EML1: variants seen among roughly 807,000 people sequenced by gnomAD.
The protein encoded by EML1 is echinoderm microtubule-associated protein-like 1.
In EML1, 27 loss-of-function variants were observed where a neutral mutation model predicts 110.4. The ratio of observed to expected loss-of-function variants is 0.24; its 90% CI spans 0.18 to 0.34. EML1 has a LOEUF of 0.34. EML1 is among the 10% of genes least tolerant of loss of function. The pLI, the probability that EML1 is intolerant of heterozygous loss-of-function variation, is 1.00. For synonymous variants in EML1, 344 were observed against 385.8 expected (o/e 0.89, Z 1.27); for missense variants, 741 against 1,030.9 (o/e 0.72, Z 3.85).
chr14:99,769,637 C>T (rs555958261), upstream of EML1, among the ~76,000 whole-genome samples: 1 of 152,216 alleles, frequency 6.6e-6, no homozygotes, highest in South Asian at 2.1e-4. Context: ...TCTGCAGTAC[C>T]TGCCCCTACA....
intron 6 of EML1, 141 bp downstream of exon 6, chr14:99,894,899 A>G: frequency 1.8e-6 from 2 of 1,126,068 alleles, no homozygotes; most frequent in Non-Finnish European, 2.4e-6. Flanking sequence ...TGAAAACTTA[A>G]TGTAACAAAA....
At chr14:99,757,345 A>G (rs1018218519) in intron 1 of EML1, among the ~76,000 whole-genome samples, 2 of 152,160 alleles carry the variant, frequency 1.3e-5, no homozygotes, top group East Asian at 1.9e-4. Context: ...TTTCAAAAAA[A>G]AAAAAAAAAG....
At chr14:99,843,759 C>T (rs998730457) in intron 1 of EML1, among the ~76,000 whole-genome samples, 12 of 152,230 alleles carry the variant, frequency 7.9e-5, no homozygotes, top group African/African-American at 2.7e-4. Flanking sequence ...CTTAGTAGAA[C>T]TCTCCCTGCC....
chr14:99,929,605 G>A (rs771834472), intron 17 of EML1, among the ~76,000 whole-genome samples: 1 of 152,198 alleles, frequency 6.6e-6, no homozygotes, highest in Non-Finnish European at 1.5e-5. Flanking sequence ...GTGATCAGCA[G>A]TATGAGTTTT....
intron 1 of EML1, chr14:99,737,937 G>A: frequency 1.6e-6 from 2 of 1,260,096 alleles, no homozygotes; most frequent in Non-Finnish European, 2.1e-6. Context: ...GGGCACTGGG[G>A]CCCCCGCAGG....
At chr14:99,835,738 AG>A (rs1351450162) in intron 1 of EML1, among the ~76,000 whole-genome samples, 6 of 152,228 alleles carry the variant, frequency 3.9e-5, no homozygotes, top group African/African-American at 1.4e-4. Flanking sequence ...TTTTGTGTCT[AG>A]ATGCATTATT....
intron 1 of EML1, among the ~76,000 whole-genome samples, chr14:99,849,784 G>A (rs1056652155): frequency 4.6e-5 from 7 of 152,148 alleles, no homozygotes; most frequent in African/African-American, 1.7e-4. Context: ...CTGACCTTAG[G>A]TGATCCGTTT....
chr14:99,859,984 GC>G, intron 2 of EML1, among the ~76,000 whole-genome samples: 1 of 152,286 alleles, frequency 6.6e-6, no homozygotes, highest in Admixed American at 6.5e-5. Flanking sequence ...CCTCACAGCA[GC>G]CCTGCAAGGT....
At chr14:99,882,898 C>T (rs2059411511) in intron 4 of EML1, among the ~76,000 whole-genome samples, 1 of 152,064 alleles carries the variant, frequency 6.6e-6, no homozygotes, top group Admixed American at 6.5e-5. Flanking sequence ...GTTGTGCCCC[C>T]TCAACCCCGG....
At chr14:99,890,340 C>T (rs4905911) in intron 4 of EML1, among the ~76,000 whole-genome samples, 36,813 of 152,082 alleles carry the variant, frequency 0.24, 5,404 homozygotes, top group Non-Finnish European at 0.33. Context: ...CAAGGGGTCA[C>T]CCCCCTCCCT....
At chr14:99,759,648 G>A (rs1385886535) in intron 1 of EML1, among the ~76,000 whole-genome samples, 2 of 152,234 alleles carry the variant, frequency 1.3e-5, no homozygotes, top group Non-Finnish European at 2.9e-5. Flanking sequence ...AGAGGAAAGG[G>A]CTTGTCCTGG....
At chr14:99,738,310 C>A (rs1039224768) in intron 1 of EML1, among the ~76,000 whole-genome samples, 2 of 152,226 alleles carry the variant, frequency 1.3e-5, no homozygotes, top group African/African-American at 4.8e-5. Flanking sequence ...AGTCCCTGGT[C>A]CGGCAGCACC....
upstream of EML1, among the ~76,000 whole-genome samples, chr14:99,771,340 C>A (rs1193350710): frequency 6.6e-6 from 1 of 152,220 alleles, no homozygotes; most frequent in Non-Finnish European, 1.5e-5. Flanking sequence ...TGGTCTCTTG[C>A]ATGTGGCTTC....
chr14:99,870,073 A>G (rs1050593851), intron 3 of EML1, among the ~76,000 whole-genome samples: 3 of 152,226 alleles, frequency 2.0e-5, no homozygotes, highest in Admixed American at 2.0e-4. Context: ...TAGCCAAGTT[A>G]TAGATGCAAA....
At chr14:99,855,356 A>G (rs2058884663) in intron 2 of EML1, among the ~76,000 whole-genome samples, 1 of 152,212 alleles carries the variant, frequency 6.6e-6, no homozygotes, top group Non-Finnish European at 1.5e-5. Flanking sequence ...TGTTCTAAAA[A>G]ATCACTTCTT....
At chr14:99,824,620 A>C (rs1595344951) in intron 1 of EML1, among the ~76,000 whole-genome samples, 3 of 151,358 alleles carry the variant, frequency 2.0e-5, no homozygotes. Flanking sequence ...AAATCGCTTT[A>C]GGGGTACAGT....
Position 99,760,692 on chromosome 14 carries a change from C to A in EML1, c.28+22832C>A, listed in dbSNP as rs150941814. On this transcript the variant is annotated intron_variant, in intron 1 of 10. Coordinates refer to the EML1 transcript ENST00000554479. ...AAGGGCTTTGCAGACAGACTGGGAG[C>A]CTGCTCAACGCCCAAACACCAATAT... Among the ~76,000 whole-genome samples, 9 of 152,266 alleles carry A rather than the reference C, an allele frequency of 5.9e-5. No individual in the cohort carries two copies. The East Asian group carries it at 1.7e-3, about 29-fold the overall frequency.
At chr14:99,775,941 A>G (rs1212285324) in intron 1 of EML1, among the ~76,000 whole-genome samples, 1 of 152,228 alleles carries the variant, frequency 6.6e-6, no homozygotes, top group East Asian at 1.9e-4. Flanking sequence ...ATTTGAGAGG[A>G]ATTTTACAGC....
intron 2 of EML1, among the ~76,000 whole-genome samples, chr14:99,857,185 T>A (rs2058917254): frequency 1.3e-5 from 2 of 151,822 alleles, no homozygotes; most frequent in Non-Finnish European, 2.9e-5. Context: ...GGCAGGAGGA[T>A]CACTTGAGCC....
Sources: gnomAD v4.1 joint callset for allele counts (sites outside exome capture counted in the v4.1 genomes callset) on GRCh38, gnomAD v4.1.1 for gene constraint, MANE v1.5 for transcripts, NCBI Gene and HGNC (gene_info 2026-07-23, HGNC 2026-07-21) for gene names.